C12orf42: variants seen among roughly 807,000 people sequenced by gnomAD.
C12orf42 encodes uncharacterized protein C12orf42.
Under a neutral mutation model 21.6 loss-of-function variants are expected in C12orf42, and 25 were observed. That is an observed-to-expected ratio of 1.16 (90% CI 0.84 to 1.62). The LOEUF (loss-of-function observed/expected upper bound fraction) is 1.62. C12orf42 is among the 40% of genes most tolerant of loss of function. The pLI, the probability that C12orf42 is intolerant of heterozygous loss-of-function variation, is 0.00. For synonymous variants in C12orf42, 174 were observed against 175.0 expected, an observed-to-expected ratio of 0.99 and a Z score of 0.05; for missense variants, 483 against 459.3, an observed-to-expected ratio of 1.05 and a Z score of -0.47.
At chr12:103,246,017 A>G (rs1384337932) in intron 10 of C12orf42, among the ~76,000 whole-genome samples, 1 of 152,102 alleles carries the variant, frequency 6.6e-6, no homozygotes, top group Non-Finnish European at 1.5e-5. Flanking sequence ...TCAACAAAGT[A>G]GCCAAAATAA....
chr12:103,298,592 T>G (rs992042426), downstream of C12orf42, among the ~76,000 whole-genome samples: 2 of 152,194 alleles, frequency 1.3e-5, no homozygotes, highest in African/African-American at 4.8e-5. Flanking sequence ...CTTCACAGAA[T>G]TGGAAAAAAC....
intron 3 of C12orf42, among the ~76,000 whole-genome samples, chr12:103,390,246 G>A (rs1282384713): frequency 6.6e-6 from 1 of 152,076 alleles, no homozygotes; most frequent in Non-Finnish European, 1.5e-5. Context: ...CTATGTTCCA[G>A]GCAAAGTTCT....
At chr12:103,388,268 T>C (rs2046788317) in intron 3 of C12orf42, among the ~76,000 whole-genome samples, 1 of 152,118 alleles carries the variant, frequency 6.6e-6, no homozygotes, top group African/African-American at 2.4e-5. Context: ...CTCTCCCTGT[T>C]TTCTCCATAG....
At chr12:103,058,640 C>A in the C12orf42 span, among the ~76,000 whole-genome samples, 1 of 152,154 alleles carries the variant, frequency 6.6e-6, no homozygotes, top group Non-Finnish European at 1.5e-5. Context: ...TCTCTCAGAC[C>A]ACGGTGCAAT....
chr12:103,244,342 G>A (rs140391625), intron 10 of C12orf42, among the ~76,000 whole-genome samples: 36 of 152,028 alleles, frequency 2.4e-4, no homozygotes, highest in South Asian at 1.9e-3. Context: ...TGGCATCTCC[G>A]AGATCACCTG....
At chr12:103,189,556 C>T in the C12orf42 span, among the ~76,000 whole-genome samples, 2 of 152,222 alleles carry the variant, frequency 1.3e-5, no homozygotes, top group African/African-American at 2.4e-5. Context: ...ACTCCATTCA[C>T]ATCACCCATT....
At chr12:103,470,511 A>G (rs1005967715) in intron 2 of C12orf42, among the ~76,000 whole-genome samples, 1 of 152,142 alleles carries the variant, frequency 6.6e-6, no homozygotes, top group Non-Finnish European at 1.5e-5. Context: ...CGCCTTTAAA[A>G]CTTCCTTTTT....
At chr12:103,090,731 G>T in the C12orf42 span, among the ~76,000 whole-genome samples, 1 of 151,972 alleles carries the variant, frequency 6.6e-6, no homozygotes, top group Non-Finnish European at 1.5e-5. Context: ...CATTTCAACC[G>T]GGAGTTGTAG....
chr12:103,503,719 T>G, the C12orf42 span: 5 of 153,516 alleles, frequency 3.3e-5, no homozygotes, highest in Admixed American at 1.3e-4. Flanking sequence ...CAGGAACACC[T>G]TCCACACTTA....
intron 4 of C12orf42, among the ~76,000 whole-genome samples, chr12:103,353,407 C>T (rs1271150799): frequency 6.6e-6 from 1 of 152,022 alleles, no homozygotes; most frequent in African/African-American, 2.4e-5. Flanking sequence ...AGATAGTTTA[C>T]AGAATCAAAA....
intron 4 of C12orf42, chr12:103,368,029 C>T: frequency 7.9e-7 from 1 of 1,265,866 alleles, no homozygotes; most frequent in East Asian, 5.6e-5. Flanking sequence ...ATCAGTTGTC[C>T]TAAAAACTTC....
chr12:103,258,241 A>C (rs2034710166), intron 10 of C12orf42, among the ~76,000 whole-genome samples: 1 of 152,140 alleles, frequency 6.6e-6, no homozygotes, highest in Non-Finnish European at 1.5e-5. Context: ...TAGAGAACTA[A>C]GTCTAAATAA....
chr12:103,053,596 G>A, the C12orf42 span, among the ~76,000 whole-genome samples: 1 of 151,838 alleles, frequency 6.6e-6, no homozygotes, highest in Non-Finnish European at 1.5e-5. Context: ...AATGTTTTTA[G>A]CTTTGATGTG....
intron 2 of C12orf42, chr12:103,441,382 C>T (rs1428983696): frequency 1.3e-5 from 2 of 152,098 alleles, no homozygotes; most frequent in African/African-American, 4.8e-5. Context: ...CAAACTGAAA[C>T]TGATCATTAA....
the C12orf42 span, among the ~76,000 whole-genome samples, chr12:103,167,536 C>T: frequency 6.6e-6 from 1 of 152,142 alleles, no homozygotes; most frequent in Non-Finnish European, 1.5e-5. Flanking sequence ...GCTCCCTCAA[C>T]CTGGAGCCCC....
At chr12:103,165,470 G>A in the C12orf42 span, among the ~76,000 whole-genome samples, 5 of 152,130 alleles carry the variant, frequency 3.3e-5, no homozygotes, top group Non-Finnish European at 5.9e-5. Context: ...GTGAGGGAGA[G>A]GATTGCAAAT....
chr12:103,181,607 C>A, the C12orf42 span, among the ~76,000 whole-genome samples: 1 of 152,332 alleles, frequency 6.6e-6, no homozygotes, highest in South Asian at 2.1e-4. Context: ...CACTGGCAGA[C>A]ATCAGTTCTC....
chr12:103,371,881 C>A (rs2045274642), intron 3 of C12orf42, among the ~76,000 whole-genome samples: 1 of 152,112 alleles, frequency 6.6e-6, no homozygotes, highest in African/African-American at 2.4e-5. Flanking sequence ...AACTATTACC[C>A]CAATTTTACA....
chr12:103,524,066 TCTC>T, the C12orf42 span, among the ~76,000 whole-genome samples: 3 of 152,176 alleles, frequency 2.0e-5, no homozygotes, highest in African/African-American at 7.2e-5. Context: ...ATTCAATTCT[TCTC>T]CTTGCTCAGC....
Sources: allele counts gnomAD v4.1 joint callset (sites outside exome capture counted in the v4.1 genomes callset), GRCh38; gene constraint gnomAD v4.1.1; transcripts MANE v1.5; gene names NCBI Gene and HGNC (gene_info 2026-07-23, HGNC 2026-07-21).